The following GPM6A variants were observed in gnomAD, a reference collection of about 807,000 sequenced individuals.
GPM6A encodes the protein neuronal membrane glycoprotein M6-a.
Under a neutral mutation model 32.1 loss-of-function variants are expected in GPM6A, and 7 were observed. That is an observed-to-expected ratio of 0.22 (90% CI 0.12 to 0.41). The LOEUF (loss-of-function observed/expected upper bound fraction) is 0.41. GPM6A is among the 10% of genes least tolerant of loss of function. GPM6A has a pLI of 1.00. For missense variants in GPM6A, 235 were observed against 347.2 expected (o/e 0.68, Z 2.57); for synonymous variants, 130 against 123.4 (o/e 1.05, Z -0.35).
At chr4:175,832,525 T>A (rs1458798825) in intron 1 of GPM6A, among the ~76,000 whole-genome samples, 2 of 1,234 alleles carry the variant, frequency 1.6e-3, no homozygotes, top group Non-Finnish European at 0.17. Flanking sequence ...GAAGTAAACG[T>A]TATCTACCCA....
chr4:175,686,657 C>A (rs560252078), intron 2 of GPM6A, among the ~76,000 whole-genome samples: 1 of 152,210 alleles, frequency 6.6e-6, no homozygotes. Flanking sequence ...CCCTTGCTGA[C>A]GCCTTGACTT....
chr4:175,942,153 T>C (rs543035371), intron 1 of GPM6A, among the ~76,000 whole-genome samples: 2 of 152,130 alleles, frequency 1.3e-5, no homozygotes, highest in African/African-American at 2.4e-5. Context: ...TTTTTAAATA[T>C]GTTTGTTGGC....
intron 6 of GPM6A, among the ~76,000 whole-genome samples, chr4:175,636,277 TATATATATATATATATATATAC>T (rs1740595068): frequency 8.0e-6 from 1 of 125,232 alleles, no homozygotes; most frequent in South Asian, 2.4e-4. Context: ...TATATATATA[TATATATATATATATATATATAC>T]ATATATATAT....
chr4:175,749,324 A>T (rs1003884570), intron 1 of GPM6A, among the ~76,000 whole-genome samples: 18 of 152,312 alleles, frequency 1.2e-4, no homozygotes, highest in African/African-American at 4.3e-4. Context: ...AAATATTGTG[A>T]GAAATATCAA....
intron 1 of GPM6A, among the ~76,000 whole-genome samples, chr4:175,799,111 C>CT (rs1307438079): frequency 2.0e-5 from 3 of 152,056 alleles, no homozygotes; most frequent in Admixed American, 2.0e-4. Context: ...CAACATTGTT[C>CT]TTTCCCAACG....
chr4:175,967,290 A>T (rs944027088), intron 1 of GPM6A, among the ~76,000 whole-genome samples: 10 of 151,866 alleles, frequency 6.6e-5, no homozygotes, highest in African/African-American at 2.4e-4. Context: ...GAACTTTCTC[A>T]ACTTGGTAAA....
chr4:175,849,614 T>G (rs1053900037), intron 1 of GPM6A, among the ~76,000 whole-genome samples: 2 of 152,218 alleles, frequency 1.3e-5, no homozygotes, highest in Non-Finnish European at 2.9e-5. Context: ...AAAACAGTTG[T>G]ACTATACTAA....
chr4:175,816,620 T>C (rs1245520807), upstream of GPM6A, among the ~76,000 whole-genome samples: 1 of 151,974 alleles, frequency 6.6e-6, no homozygotes, highest in African/African-American at 2.4e-5. Flanking sequence ...AGAGAGGAGA[T>C]GTGGAAAAGA....
At position 175,731,137 on chromosome 4, in the gene GPM6A, C is replaced by A. The variant is rs546542825; in HGVS notation, c.38-29370G>T. Among the ~76,000 whole-genome samples the A allele has an allele frequency of 4.6e-5, 7 of 152,214 alleles. No homozygotes were observed. The East Asian group carries it at 9.7e-4, about 21-fold the overall frequency. On this transcript the variant is annotated intron_variant, in intron 1 of 6. Coordinates refer to ENST00000393658, the MANE Select transcript of GPM6A (RefSeq NM_201591.3). ...CTTACTTGCTAATTATAAAAAGATA[C>A]CACGGCACATCTTAGATTAGTTAGA...
chr4:175,836,611 T>A (rs923681607), intron 1 of GPM6A, among the ~76,000 whole-genome samples: 3 of 151,982 alleles, frequency 2.0e-5, no homozygotes, highest in African/African-American at 7.3e-5. Flanking sequence ...GTAAAAACTT[T>A]GAAAAAGTGC....
At chr4:175,814,453 T>C (rs939297466), upstream of GPM6A, among the ~76,000 whole-genome samples, 3 of 152,194 alleles carry the variant, frequency 2.0e-5, no homozygotes, top group Admixed American at 2.0e-4. Flanking sequence ...ATCTTCAGCA[T>C]CTTCAGAAAT....
chr4:175,655,904 CAA>C (rs1742058379), intron 3 of GPM6A, among the ~76,000 whole-genome samples: 1 of 151,970 alleles, frequency 6.6e-6, no homozygotes, highest in Non-Finnish European at 1.5e-5. Flanking sequence ...AGCAGTAACT[CAA>C]AGAGAGGAGA....
intron 1 of GPM6A, among the ~76,000 whole-genome samples, chr4:175,955,145 T>C (rs1739944565): frequency 6.6e-6 from 1 of 152,220 alleles, no homozygotes; most frequent in African/African-American, 2.4e-5. Flanking sequence ...GGACGAAGCC[T>C]GCACTTGACC....
intron 1 of GPM6A, among the ~76,000 whole-genome samples, chr4:175,906,316 G>A (rs903650): frequency 0.91 from 137,806 of 152,116 alleles, 62,824 homozygotes; most frequent in Non-Finnish European, 0.96. Flanking sequence ...ATGTCAAGGG[G>A]AGGGAAAGAC....
At position 175,885,857 on chromosome 4, in the gene GPM6A, T is replaced by A. The variant is rs1737436322; in HGVS notation, c.-22-73608A>T. Reference sequence around the variant, plus strand: ...AGGATTTGCACATTTTAGATATGTATGTTTTGAGTTTTACTGTTTTTTAAC... The same window carrying A: ...AGGATTTGCACATTTTAGATATGTAAGTTTTGAGTTTTACTGTTTTTTAAC... On this transcript the variant is annotated intron_variant, in intron 1 of 7. Coordinates refer to the GPM6A transcript ENST00000280187. 4.6e-5 allele frequency among the ~76,000 whole-genome samples: 7 copies of A among 152,232 alleles called. No individual in the cohort carries two copies. The South Asian group carries it at 1.4e-3, about 31-fold the overall frequency.
At chr4:175,865,092 T>C (rs1210847510) in intron 1 of GPM6A, among the ~76,000 whole-genome samples, 1 of 152,226 alleles carries the variant, frequency 6.6e-6, no homozygotes, top group Non-Finnish European at 1.5e-5. Flanking sequence ...ATTACAGGCG[T>C]GAGTCACTGT....
chr4:175,774,335 T>G (rs898659973), intron 1 of GPM6A, among the ~76,000 whole-genome samples: 3 of 152,090 alleles, frequency 2.0e-5, no homozygotes, highest in African/African-American at 7.2e-5. Context: ...TAACTCATCC[T>G]GCTAATTATT....
chr4:175,799,830 G>A (rs562040056), intron 1 of GPM6A, among the ~76,000 whole-genome samples: 67 of 151,048 alleles, frequency 4.4e-4, no homozygotes, highest in South Asian at 1.7e-3. Flanking sequence ...GCCCGCCACC[G>A]CGCCCGGCTA....
chr4:175,903,087 G>A (rs180965253), intron 1 of GPM6A, among the ~76,000 whole-genome samples: 21 of 152,108 alleles, frequency 1.4e-4, no homozygotes, highest in African/African-American at 4.6e-4. Context: ...AAGAAACCAC[G>A]GCTCCTTAGA....
Sources: gnomAD v4.1 joint callset for allele counts (sites outside exome capture counted in the v4.1 genomes callset) on GRCh38, gnomAD v4.1.1 for gene constraint, MANE v1.5 for transcripts, NCBI Gene and HGNC (gene_info 2026-07-23, HGNC 2026-07-21) for gene names.